Variants in BLOC1S6 observed in about 807,000 individuals in gnomAD.
BLOC1S6 encodes the protein biogenesis of lysosome-related organelles complex 1 subunit 6.
BLOC1S6 carries 24 observed loss-of-function variants against 24.7 expected under a neutral mutation model. The observed-to-expected ratio is 0.97, with a 90% confidence interval of 0.70 to 1.37. BLOC1S6 has a LOEUF of 1.37. Ranked by LOEUF, BLOC1S6 falls within the 40% of genes most tolerant of loss-of-function variation. The pLI is 0.00. For synonymous variants in BLOC1S6, 76 were observed against 72.6 expected (o/e 1.05, Z -0.23); for missense variants, 175 against 196.2 (o/e 0.89, Z 0.64).
chr15:45,591,478 G>C (rs569770152), intron 1 of BLOC1S6, among the ~76,000 whole-genome samples: 28 of 152,068 alleles, frequency 1.8e-4, no homozygotes, highest in African/African-American at 6.5e-4. Context: ...CGCTGCCCAG[G>C]CTGGAGTGCA....
At chr15:45,595,671 T>C (rs1894046029) in intron 2 of BLOC1S6, among the ~76,000 whole-genome samples, 1 of 152,142 alleles carries the variant, frequency 6.6e-6, no homozygotes, top group Non-Finnish European at 1.5e-5. Flanking sequence ...CGGTTTTTTC[T>C]TTTATGAATT....
At position 45,606,633 on chromosome 15, in the gene BLOC1S6, C is replaced by A; in HGVS notation, c.*119C>A. On this transcript the variant is annotated 3_prime_UTR_variant, in exon 5 of 5. Coordinates refer to ENST00000220531, the MANE Select transcript of BLOC1S6 (RefSeq NM_012388.4). ...ATGTCATATGTTGAAATCCTTATTC[C>A]GGTATTACTGTGTCTCCATGCCTTT... 1 of 1,411,890 alleles carries A rather than the reference C, an allele frequency of 7.1e-7. No homozygotes were observed. Among genetic ancestry groups the A allele is most frequent in the Non-Finnish European group, 1.0e-6 (1 of 1,002,488 alleles). The allele number at this position is 1,411,890 out of a possible 1,614,324, so 87.5% of individuals were successfully genotyped here.
At position 45,606,300 on chromosome 15, in the gene BLOC1S6, A is replaced by G. The variant is rs115610137; in HGVS notation, c.400-95A>G. Reference sequence around the variant, plus strand: ...AAGATGAAGTTTATTAGTGTGAATGAATTACCTCAAAGCAGAGCACTGTTA... The same window carrying G: ...AAGATGAAGTTTATTAGTGTGAATGGATTACCTCAAAGCAGAGCACTGTTA... On this transcript the variant is annotated intron_variant, in intron 4 of 4. Transcript: ENST00000220531. The G allele has an allele frequency of 2.8e-3, 4,217 of 1,500,264 alleles. 90 individuals carry two copies. The African/African-American group carries it at 0.053, about 19-fold the overall frequency. 92.9% of individuals were successfully genotyped at this position (1,500,264 alleles called of 1,614,324 possible). A position where few individuals can be genotyped will look rare whatever the true frequency, so the allele number is the denominator to read the frequency against.
intron 1 of BLOC1S6, among the ~76,000 whole-genome samples, chr15:45,589,934 A>G (rs1893822364): frequency 6.6e-6 from 1 of 152,186 alleles, no homozygotes; most frequent in Non-Finnish European, 1.5e-5. Flanking sequence ...GTGAGTTAAA[A>G]TGTATGTATA....
chr15:45,596,594 G>A (rs1010291817), intron 2 of BLOC1S6, among the ~76,000 whole-genome samples: 3 of 152,082 alleles, frequency 2.0e-5, no homozygotes, highest in South Asian at 2.1e-4. Context: ...ATTTAATAAG[G>A]GTTTTCTATT....
At chr15:45,595,792 ATTTAT>A (rs1408993142) in intron 2 of BLOC1S6, among the ~76,000 whole-genome samples, 7 of 151,918 alleles carry the variant, frequency 4.6e-5, no homozygotes, top group Non-Finnish European at 5.9e-5. Context: ...TAGACCTATG[ATTTAT>A]TTTGAGTTAA....
At chr15:45,589,522 C>T (rs1017463597) in intron 1 of BLOC1S6, among the ~76,000 whole-genome samples, 1 of 152,210 alleles carries the variant, frequency 6.6e-6, no homozygotes, top group Non-Finnish European at 1.5e-5. Context: ...TTAGACTTCC[C>T]TAATGAAAGT....
chr15:45,589,293 C>T (rs752547311), intron 1 of BLOC1S6, among the ~76,000 whole-genome samples: 69 of 152,174 alleles, frequency 4.5e-4, no homozygotes, highest in Non-Finnish European at 7.8e-4. Context: ...TGCATAGATA[C>T]GCAAAGACAA....
upstream of BLOC1S6, chr15:45,587,186 AGGGACTCGAGCCCCACACTGCT>A: frequency 1.8e-6 from 1 of 552,310 alleles, no homozygotes; most frequent in East Asian, 3.2e-5. Context: ...ATCGGATCGC[AGGGACTCGAGCCCCACACTGCT>A]GAGTCCGCTG....
chr15:45,590,533 G>T (rs995871290), intron 1 of BLOC1S6, among the ~76,000 whole-genome samples: 1 of 151,180 alleles, frequency 6.6e-6, no homozygotes, highest in South Asian at 2.1e-4. Context: ...TTAGCTTCTC[G>T]AGTAGCTGAG....
chr15:45,605,403 TTTTCA>T lies in BLOC1S6; in HGVS notation c.313-21_313-17del. ...ATATTTTAGTCTATTTTAACTTGACTTTTCATTTATTTTTCCATGTTAAGTTTGCT... is the reference window on the plus strand; with the variant it reads ...ATATTTTAGTCTATTTTAACTTGACTTTTATTTTTCCATGTTAAGTTTGCT... On this transcript the variant is annotated intron_variant, in intron 3 of 4. Transcript: ENST00000220531. The T allele has an allele frequency of 6.4e-7, 1 of 1,554,584 alleles. No homozygotes were observed. Among genetic ancestry groups the T allele is most frequent in the African/African-American group, 1.4e-5 (1 of 73,844 alleles).
At chr15:45,597,578 T>C (rs2140910276) in intron 2 of BLOC1S6, among the ~76,000 whole-genome samples, 1 of 152,360 alleles carries the variant, frequency 6.6e-6, no homozygotes, top group East Asian at 1.9e-4. Flanking sequence ...TTTTTGCATA[T>C]AGCTCCTGTA....
At chr15:45,593,315 G>A (rs1242522471) in intron 2 of BLOC1S6, among the ~76,000 whole-genome samples, 1 of 149,962 alleles carries the variant, frequency 6.7e-6, no homozygotes. Context: ...GAACTCAGGG[G>A]GCTGTTTGTG....
chr15:45,588,374 C>T (rs1422581170), intron 1 of BLOC1S6, among the ~76,000 whole-genome samples: 1 of 152,194 alleles, frequency 6.6e-6, no homozygotes, highest in Non-Finnish European at 1.5e-5. Context: ...GATACTTTGA[C>T]GTGGCTGTTT....
intron 1 of BLOC1S6, among the ~76,000 whole-genome samples, chr15:45,588,484 A>T (rs904396942): frequency 6.6e-6 from 1 of 152,250 alleles, no homozygotes; most frequent in South Asian, 2.1e-4. Flanking sequence ...ATTGCTCTGG[A>T]CTTTTTCCTC....
chr15:45,602,997 A>G (rs1894322403), intron 2 of BLOC1S6, 103 bp from the exon 3 acceptor site: 2 of 752,082 alleles, frequency 2.7e-6, no homozygotes, highest in African/African-American at 1.7e-5. Flanking sequence ...TACATTTCCT[A>G]CTTAACTAAC....
chr15:45,608,325 GC>G lies in BLOC1S6; in HGVS notation c.*1814del, dbSNP rs1894551635. On this transcript the variant is annotated 3_prime_UTR_variant, in exon 5 of 5. Transcript: ENST00000220531. Reference sequence around the variant, plus strand: ...TATTTTATTTGAAAGGCTGAGTGTTGCCCTCAAACACTTGCTAAAACTGCCT... The same window carrying G: ...TATTTTATTTGAAAGGCTGAGTGTTGCCTCAAACACTTGCTAAAACTGCCT... 1 of 152,240 alleles carries G rather than the reference GC, an allele frequency of 6.6e-6. No homozygotes were observed. The highest frequency in any genetic ancestry group is 1.9e-4 in the East Asian group (1 of 5,200). 9.4% of individuals were successfully genotyped at this position (152,240 alleles called of 1,614,324 possible).
At position 45,588,304 on chromosome 15, in the gene BLOC1S6, T is replaced by C. The variant is rs1347169974; in HGVS notation, c.82+779T>C. On this transcript the variant is annotated intron_variant, in intron 1 of 4. Coordinates refer to ENST00000220531, the MANE Select transcript of BLOC1S6 (RefSeq NM_012388.4). ...CGCTTCTATAAATATGACTTCTTTG[T>C]ATGTATTTGAAACTTGGGCCCCTCT... 3.3e-5 allele frequency among the ~76,000 whole-genome samples: 5 copies of C among 152,264 alleles called. No individual in the cohort carries two copies. The South Asian group carries it at 1.0e-3, about 31-fold the overall frequency.
In BLOC1S6 at chr15:45,606,401, G is replaced by A; in HGVS notation, c.406G>A (p.Ala136Thr). 1 of 1,613,744 alleles carries A rather than the reference G, an allele frequency of 6.2e-7. No individual in the cohort carries two copies. Residue 136 changes from alanine (A) to threonine (T), a missense_variant, in exon 5 of 5, where the codon GCA becomes ACA. By Grantham distance (58) the Ala-to-Thr change is moderately conservative. Coordinates refer to ENST00000220531, the MANE Select transcript of BLOC1S6 (RefSeq NM_012388.4). ...AATTTTTTTTTTAACACAGAAAAGAGCACTTAAACTGCAGCAGAAGAGGCA... is the reference window on the plus strand; with the variant it reads ...AATTTTTTTTTTAACACAGAAAAGAACACTTAAACTGCAGCAGAAGAGGCA... ...HEKTSKLKKR[A>T]LKLQQKRQKE...
Sources: allele counts gnomAD v4.1 joint callset (sites outside exome capture counted in the v4.1 genomes callset), GRCh38; gene constraint gnomAD v4.1.1; transcripts MANE v1.5; gene names NCBI Gene and HGNC (gene_info 2026-07-23, HGNC 2026-07-21).